SS18L2: variants seen among roughly 807,000 people sequenced by gnomAD.
SS18L2 encodes SS18-like protein 2.
In SS18L2, 8 loss-of-function variants were observed where a neutral mutation model predicts 10.3. The ratio of observed to expected loss-of-function variants is 0.78; its 90% CI spans 0.46 to 1.41. SS18L2 has a LOEUF of 1.41. Among genes scored for constraint, SS18L2 ranks in the 40% most tolerant of loss-of-function variants. SS18L2 has a pLI of 0.00. For missense variants in SS18L2, 100 were observed against 96.2 expected (o/e 1.04, Z -0.17); for synonymous variants, 41 against 34.6 (o/e 1.19, Z -0.65).
chr3:42,590,817 A>C (rs927931166), upstream of SS18L2: 20 of 1,421,952 alleles, frequency 1.4e-5, no homozygotes, highest in Admixed American at 3.2e-4. Context: ...AGGCGGGAGC[A>C]TCCAATCAAC....
intron 1 of SS18L2, among the ~76,000 whole-genome samples, chr3:42,585,221 T>C (rs1406850592): frequency 6.6e-6 from 1 of 152,200 alleles, no homozygotes; most frequent in Non-Finnish European, 1.5e-5. Context: ...AACAGGACCT[T>C]ACACTCTCTG....
rs149010198 is a variant in SS18L2, at chr3:42,590,978, CGCGGGCGGGCGG to C, written c.69+21_69+32del. 2.7e-5 allele frequency: 9 copies of C among 330,852 alleles called. No individual in the cohort carries two copies. Among genetic ancestry groups the C allele is most frequent in the Non-Finnish European group, 5.2e-5 (9 of 174,088 alleles). The allele number at this position is 330,852 out of a possible 1,614,324, so 20.5% of individuals were successfully genotyped here. A position where few individuals can be genotyped will look rare whatever the true frequency, so the allele number is the denominator to read the frequency against. On this transcript the variant is annotated intron_variant, in intron 1 of 2. Transcript: ENST00000011691. ...AGACTATCCAGCGGGTGAGCATCCA[CGCGGGCGGGCGG>C]GCGGGCGGAGAGAAGTCGGGATCCC... is the stretch of plus-strand genomic sequence containing the variant.
intron 2 of SS18L2, among the ~76,000 whole-genome samples, chr3:42,592,002 A>G (rs935198702): frequency 1.3e-5 from 2 of 152,118 alleles, no homozygotes; most frequent in Non-Finnish European, 2.9e-5. Flanking sequence ...TTGACTGCTA[A>G]GCTTCCTCTC....
At chr3:42,594,162 C>A (rs376931830) in intron 2 of SS18L2, among the ~76,000 whole-genome samples, 1 of 152,272 alleles carries the variant, frequency 6.6e-6, no homozygotes, top group South Asian at 2.1e-4. Context: ...AAAGTAGGTG[C>A]GCAAAGATAG....
chr3:42,586,838 C>G (rs1225639754), upstream of SS18L2, among the ~76,000 whole-genome samples: 1 of 152,196 alleles, frequency 6.6e-6, no homozygotes, highest in African/African-American at 2.4e-5. Context: ...GCCTCAACAT[C>G]GTTTGACATC....
chr3:42,586,075 C>A (rs187486464), upstream of SS18L2, among the ~76,000 whole-genome samples: 1 of 152,298 alleles, frequency 6.6e-6, no homozygotes, highest in Non-Finnish European at 1.5e-5. Context: ...CCTTTACAAC[C>A]AAACCTCATG....
At chr3:42,586,229 T>TTTG (rs948353460), upstream of SS18L2, among the ~76,000 whole-genome samples, 2 of 152,112 alleles carry the variant, frequency 1.3e-5, no homozygotes, top group Non-Finnish European at 2.9e-5. Flanking sequence ...TCCTTGTTCT[T>TTTG]TTGTTGTTGT....
intron 2 of SS18L2, 129 bp downstream of exon 2, chr3:42,591,730 G>A: frequency 1.4e-6 from 1 of 699,572 alleles, no homozygotes; most frequent in Non-Finnish European, 2.5e-6. Context: ...TGAGGAAAGA[G>A]AGGCTCAAAG....
At chr3:42,593,282 T>C (rs1704916410) in intron 2 of SS18L2, among the ~76,000 whole-genome samples, 1 of 151,984 alleles carries the variant, frequency 6.6e-6, no homozygotes, top group African/African-American at 2.4e-5. Context: ...TAGCCAGGCG[T>C]GGTGTGTGCC....
Position 42,595,680 on chromosome 3 carries a change from A to G in SS18L2, c.*1171A>G, listed in dbSNP as rs1559538210. Among the ~76,000 whole-genome samples the G allele has an allele frequency of 1.3e-5, 2 of 152,238 alleles. No homozygotes were observed. Among genetic ancestry groups the G allele is most frequent in the Non-Finnish European group, 2.9e-5 (2 of 68,042 alleles). On this transcript the variant is annotated 3_prime_UTR_variant, in exon 3 of 3. Coordinates refer to ENST00000011691, the MANE Select transcript of SS18L2 (RefSeq NM_001370300.1). ...CTTTCACTCTTGGAGATTTATCTGAAAGATGAGGCAAAGGGATTCTTGTAA... is the reference window on the plus strand; with the variant it reads ...CTTTCACTCTTGGAGATTTATCTGAGAGATGAGGCAAAGGGATTCTTGTAA...
rs1157542448 is a variant in SS18L2 at position 42,594,666 on chromosome 3, A to G, written c.*157A>G. ...GCTCTTTCGAAACGTGAAAATGTGAAGAAAGCTACTAACTTAGCTGTATTC... is the reference window on the plus strand; with the variant it reads ...GCTCTTTCGAAACGTGAAAATGTGAGGAAAGCTACTAACTTAGCTGTATTC... On this transcript the variant is annotated 3_prime_UTR_variant, in exon 3 of 3. Coordinates refer to ENST00000011691, the MANE Select transcript of SS18L2 (RefSeq NM_001370300.1). The G allele has an allele frequency of 1.7e-6, 1 of 577,062 alleles. No individual in the cohort carries two copies. Among genetic ancestry groups the G allele is most frequent in the Non-Finnish European group, 3.0e-6 (1 of 328,276 alleles). The allele number at this position is 577,062 out of a possible 1,614,324, so 35.7% of individuals were successfully genotyped here.
At chr3:42,582,083 C>A (rs1704417829) in intron 1 of SS18L2, 1 of 152,322 alleles carries the variant, frequency 6.6e-6, no homozygotes, top group South Asian at 2.1e-4. Flanking sequence ...CAGCCCCCGT[C>A]CCGGCGAAGG....
chr3:42,590,752 G>A, upstream of SS18L2: 1 of 860,694 alleles, frequency 1.2e-6, no homozygotes, highest in Non-Finnish European at 2.0e-6. Flanking sequence ...AAAGCGCTGA[G>A]TATAGCTCTT....
upstream of SS18L2, among the ~76,000 whole-genome samples, chr3:42,587,761 T>C (rs946497558): frequency 6.8e-6 from 1 of 147,078 alleles, no homozygotes; most frequent in Non-Finnish European, 1.5e-5. Flanking sequence ...CAAATCCTTA[T>C]ATAAACCTCA....
rs139543156 is a variant in SS18L2, at chr3:42,585,116, C to T, written c.-90+3158C>T. 8.9e-4 allele frequency among the ~76,000 whole-genome samples: 136 copies of T among 152,094 alleles called. 1 individual carries two copies. The Middle Eastern group carries it at 0.01, about 11-fold the overall frequency. On this transcript the variant is annotated intron_variant, in intron 1 of 3. Coordinates refer to the SS18L2 transcript ENST00000447630. ...TGCACTCCAGCCTGACCTACAAGAG[C>T]GAAACTCCATCTCAAAAAACAAACA... is the stretch of plus-strand genomic sequence containing the variant.
chr3:42,591,313 C>T, intron 1 of SS18L2: 3 of 594,286 alleles, frequency 5.0e-6, no homozygotes, highest in Non-Finnish European at 9.0e-6. Flanking sequence ...AGTCTCCTGC[C>T]TCAGCCTCCT....
At chr3:42,590,748 C>A (rs1301358226), upstream of SS18L2, 3 of 832,672 alleles carry the variant, frequency 3.6e-6, no homozygotes, top group Admixed American at 5.6e-5. Context: ...GAGGAAAGCG[C>A]TGAGTATAGC....
rs757585714 is a variant in SS18L2 at position 42,591,566 on chromosome 3, G to GT, written c.112dup (p.Tyr38LeufsTer19). 3.1e-6 allele frequency: 5 copies of GT among 1,614,082 alleles called. No individual in the cohort carries two copies. The highest frequency in any genetic ancestry group is 3.4e-6 in the Non-Finnish European group (4 of 1,179,938). ...ACCAGCTGATCCGCTGTATTGTGGA[G>GT]TATCAGAACAAGGGCCGCGGGAACG... is the stretch of plus-strand genomic sequence containing the variant. On this transcript the variant is annotated frameshift_variant, in exon 2 of 3. Coordinates refer to ENST00000011691, the MANE Select transcript of SS18L2 (RefSeq NM_001370300.1). LOFTEE classifies it high-confidence loss of function.
At chr3:42,592,910 TC>T (rs138493932) in intron 2 of SS18L2, among the ~76,000 whole-genome samples, 1 of 152,174 alleles carries the variant, frequency 6.6e-6, no homozygotes, top group African/African-American at 2.4e-5. Flanking sequence ...AAATGTTTTG[TC>T]CCTTCTTGAA....
Sources: gnomAD v4.1 joint callset for allele counts (sites outside exome capture counted in the v4.1 genomes callset) on GRCh38, gnomAD v4.1.1 for gene constraint, MANE v1.5 for transcripts, NCBI Gene and HGNC (gene_info 2026-07-23, HGNC 2026-07-21) for gene names.